The following PDE10A variants were observed in gnomAD, a reference collection of about 807,000 sequenced individuals.
The protein encoded by PDE10A is cAMP and cAMP-inhibited cGMP 3',5'-cyclic phosphodiesterase 10A.
A neutral mutation model predicts 97.7 loss-of-function variants in PDE10A; 39 were observed. That is an observed-to-expected ratio of 0.40 (90% confidence interval 0.31 to 0.52). PDE10A has a LOEUF of 0.52. Among genes scored for constraint, PDE10A ranks in the 20% least tolerant of loss-of-function variants. The pLI is 0.56. For missense variants in PDE10A, 731 were observed against 1,047.8 expected, an observed-to-expected ratio of 0.70 and a Z score of 4.17; for synonymous variants, 371 against 376.8, an observed-to-expected ratio of 0.98 and a Z score of 0.18.
intron 1 of PDE10A, among the ~76,000 whole-genome samples, chr6:165,913,656 T>G (rs1782527838): frequency 6.6e-6 from 1 of 152,168 alleles, no homozygotes; most frequent in Non-Finnish European, 1.5e-5. Context: ...TGTATGAACG[T>G]GGAAACACAC....
At chr6:165,950,157 T>C (rs1216711275) in intron 1 of PDE10A, among the ~76,000 whole-genome samples, 1 of 152,200 alleles carries the variant, frequency 6.6e-6, no homozygotes, top group Non-Finnish European at 1.5e-5. Context: ...ACCTATTTCT[T>C]TTATATATTT....
chr6:165,672,745 G>A (rs890227489), intron 1 of PDE10A, among the ~76,000 whole-genome samples: 1 of 152,178 alleles, frequency 6.6e-6, no homozygotes, highest in African/African-American at 2.4e-5. Flanking sequence ...ATGGAACCAT[G>A]AGTCCATTAA....
intron 1 of PDE10A, among the ~76,000 whole-genome samples, chr6:165,931,201 A>G (rs1300716821): frequency 6.6e-6 from 1 of 152,212 alleles, no homozygotes. Context: ...CAGCCTAGCT[A>G]GGGAAGCAGC....
chr6:165,828,951 A>G (rs1282102773), intron 1 of PDE10A, among the ~76,000 whole-genome samples: 2 of 152,268 alleles, frequency 1.3e-5, no homozygotes, highest in Non-Finnish European at 2.9e-5. Context: ...CTAGTTAATC[A>G]GTAAAGTATT....
upstream of PDE10A, among the ~76,000 whole-genome samples, chr6:165,663,261 A>ACGCCGCCGC (rs376739819): frequency 2.3e-4 from 35 of 150,286 alleles, no homozygotes; most frequent in Non-Finnish European, 3.7e-4. Flanking sequence ...GGCGCTCCCC[A>ACGCCGCCGC]CGCCGCCGCC....
At chr6:165,828,392 AGGG>A in intron 1 of PDE10A, among the ~76,000 whole-genome samples, 1 of 152,352 alleles carries the variant, frequency 6.6e-6, no homozygotes, top group South Asian at 2.1e-4. Flanking sequence ...TGTATTAGCT[AGGG>A]GTGTTGGGAC....
chr6:165,379,770 T>C (rs573075420), intron 17 of PDE10A, among the ~76,000 whole-genome samples: 1 of 152,336 alleles, frequency 6.6e-6, no homozygotes, highest in South Asian at 2.1e-4. Context: ...ACTAGAACCT[T>C]AATGGGCTAA....
At chr6:165,426,911 A>G (rs143326364) in intron 10 of PDE10A, among the ~76,000 whole-genome samples, 45 of 152,276 alleles carry the variant, frequency 3.0e-4, no homozygotes, top group Non-Finnish European at 5.1e-4. Flanking sequence ...TACTAATCAA[A>G]ACCACACTGA....
chr6:165,751,394 T>C (rs1792996810), intron 1 of PDE10A, among the ~76,000 whole-genome samples: 1 of 152,168 alleles, frequency 6.6e-6, no homozygotes, highest in South Asian at 2.1e-4. Flanking sequence ...AGGTGTGAGC[T>C]GGAACTGAGG....
At chr6:165,669,546 A>G (rs979338392) in intron 1 of PDE10A, among the ~76,000 whole-genome samples, 3 of 152,370 alleles carry the variant, frequency 2.0e-5, no homozygotes, top group Non-Finnish European at 4.4e-5. Flanking sequence ...TTCCAAGTAC[A>G]GTCAATGAGT....
At chr6:165,777,268 A>C (rs1778212635) in intron 1 of PDE10A, among the ~76,000 whole-genome samples, 1 of 152,100 alleles carries the variant, frequency 6.6e-6, no homozygotes, top group Non-Finnish European at 1.5e-5. Flanking sequence ...TCTTTTCTAG[A>C]ATGTTTATTT....
intron 1 of PDE10A, among the ~76,000 whole-genome samples, chr6:165,605,085 T>C (rs2128397791): frequency 6.6e-6 from 1 of 152,300 alleles, no homozygotes; most frequent in South Asian, 2.1e-4. Flanking sequence ...CTTTATCAAA[T>C]TTCATTGCTT....
chr6:165,812,880 G>A (rs535890548), intron 1 of PDE10A, among the ~76,000 whole-genome samples: 1 of 152,180 alleles, frequency 6.6e-6, no homozygotes, highest in South Asian at 2.1e-4. Flanking sequence ...CGAGTCTGTG[G>A]TGTGGGAGGG....
At chr6:165,574,954 C>T (rs892918323) in intron 1 of PDE10A, among the ~76,000 whole-genome samples, 4 of 152,160 alleles carry the variant, frequency 2.6e-5, no homozygotes, top group Admixed American at 1.3e-4. Context: ...ATTATTTACT[C>T]CCTCCTGTGA....
chr6:165,737,999 T>TGTTTA (rs1792621896), intron 1 of PDE10A, among the ~76,000 whole-genome samples: 1 of 134,510 alleles, frequency 7.4e-6, no homozygotes, highest in African/African-American at 2.5e-5. Context: ...CCACTTCTTT[T>TGTTTA]TTTTATTTTA....
At chr6:165,654,154 C>T (rs539698573) in intron 1 of PDE10A, among the ~76,000 whole-genome samples, 26 of 152,232 alleles carry the variant, frequency 1.7e-4, no homozygotes, top group Non-Finnish European at 2.8e-4. Context: ...TTTACTCTGC[C>T]AGCCCTTTCT....
chr6:165,513,592 A>G (rs1781627489), intron 2 of PDE10A, among the ~76,000 whole-genome samples: 1 of 152,140 alleles, frequency 6.6e-6, no homozygotes, highest in Non-Finnish European at 1.5e-5. Context: ...GGGGATTTTC[A>G]TAAGGACTTC....
chr6:165,355,349 C>G (rs1782960184), intron 18 of PDE10A, among the ~76,000 whole-genome samples: 3 of 152,148 alleles, frequency 2.0e-5, no homozygotes, highest in African/African-American at 4.8e-5. Context: ...ACCTCGTTTT[C>G]TAGTCAATGT....
intron 1 of PDE10A, among the ~76,000 whole-genome samples, chr6:165,587,318 G>A (rs1184984568): frequency 1.3e-5 from 2 of 152,108 alleles, no homozygotes; most frequent in African/African-American, 2.4e-5. Flanking sequence ...CAATTAGAAC[G>A]ATACAAGGAG....
Sources: gnomAD v4.1 joint callset for allele counts (sites outside exome capture counted in the v4.1 genomes callset) on GRCh38, gnomAD v4.1.1 for gene constraint, MANE v1.5 for transcripts, NCBI Gene and HGNC (gene_info 2026-07-23, HGNC 2026-07-21) for gene names.